Variants in DACT1 observed in about 807,000 individuals in gnomAD.
DACT1 encodes the protein dapper homolog 1.
In DACT1, 19 loss-of-function variants were observed where a neutral mutation model predicts 35.3. The ratio of observed to expected loss-of-function variants is 0.54; its 90% CI spans 0.38 to 0.79. The LOEUF is 0.79. Among genes scored for constraint, DACT1 ranks in the 30% least tolerant of loss-of-function variants. The pLI is 0.00. For missense variants in DACT1, 1,143 were observed against 1,057.5 expected (o/e 1.08, Z -1.12); for synonymous variants, 545 against 466.7 (o/e 1.17, Z -2.16).
upstream of DACT1, among the ~76,000 whole-genome samples, chr14:58,637,832 G>C (rs905650936): frequency 2.9e-4 from 44 of 151,886 alleles, no homozygotes; most frequent in Middle Eastern, 3.4e-3. Flanking sequence ...TCTGGGGGCC[G>C]GGCGGCGCGC....
Position 58,638,021 on chromosome 14 carries a change from G to A in DACT1, c.-182G>A. 2.0e-6 allele frequency: 1 copy of A among 498,978 alleles called. No individual in the cohort carries two copies. The highest frequency in any genetic ancestry group is 2.9e-6 in the Non-Finnish European group (1 of 340,468). The allele number at this position is 498,978 out of a possible 1,614,324, so 30.9% of individuals were successfully genotyped here. On this transcript the variant is annotated 5_prime_UTR_variant, in exon 1 of 4. Coordinates refer to ENST00000395153, the MANE Select transcript of DACT1 (RefSeq NM_001079520.2). The stretch of plus-strand genomic sequence containing the variant: ...GGCGACAGCGGACGGCGCTGCCCGG[G>A]CCGGGACAGCAGCAGCCGGCGGTCG...
intron 3 of DACT1, among the ~76,000 whole-genome samples, chr14:58,642,408 C>T (rs1448486474): frequency 6.6e-6 from 1 of 151,908 alleles, no homozygotes; most frequent in Non-Finnish European, 1.5e-5. Context: ...TGCTTGAACC[C>T]AGGAGGTAGA....
chr14:58,641,232 C>A (rs2047623972), intron 2 of DACT1, among the ~76,000 whole-genome samples: 1 of 148,816 alleles, frequency 6.7e-6, no homozygotes, highest in African/African-American at 2.5e-5. Flanking sequence ...TCTTTTAAAC[C>A]ATTTGGGCTC....
intron 3 of DACT1, among the ~76,000 whole-genome samples, chr14:58,644,927 T>A (rs2047658725): frequency 6.6e-6 from 1 of 152,246 alleles, no homozygotes; most frequent in Non-Finnish European, 1.5e-5. Context: ...TGCATACATG[T>A]GATCCTAATA....
Position 58,645,265 on chromosome 14 carries a change from A to G in DACT1, c.635-104A>G, listed in dbSNP as rs1279332595. On this transcript the variant is annotated intron_variant, in intron 3 of 3. Transcript: ENST00000395153. ...CCTTTAACTGTTTTTCAGATCTCAT[A>G]GGATTGTTGGAATATAAAGAAGGCC... 9 of 1,613,460 alleles carry G rather than the reference A, an allele frequency of 5.6e-6. No individual in the cohort carries two copies. The East Asian group carries it at 2.0e-4, about 36-fold the overall frequency.
Position 58,638,567 on chromosome 14 carries a change from G to GA in DACT1, c.345+20_345+21insA. On this transcript the variant is annotated intron_variant, in intron 1 of 3. Transcript: ENST00000395153. ...CAATTGGTAGGTCGTGCCCGAAGGT[G>GA]GAGCACGGCTGTTCCTGCCCAGGGG... is the stretch of plus-strand genomic sequence containing the variant. The GA allele has an allele frequency of 7.5e-7, 1 of 1,326,240 alleles. No individual in the cohort carries two copies. The highest frequency in any genetic ancestry group is 9.7e-7 in the Non-Finnish European group (1 of 1,031,300). The allele number at this position is 1,326,240 out of a possible 1,614,324, so 82.2% of individuals were successfully genotyped here.
chr14:58,640,791 A>C lies in DACT1; in HGVS notation c.401A>C (p.Lys134Thr). 6.2e-7 allele frequency: 1 copy of C among 1,614,188 alleles called. No homozygotes were observed. Reference sequence around the variant, plus strand: ...TTGAATCAGTTGCAAGAGCTTGACAAGCAGATAAGTGACCTGAGACTGGAT... The same window carrying C: ...TTGAATCAGTTGCAAGAGCTTGACACGCAGATAAGTGACCTGAGACTGGAT... ...GLLNQLQELDKQISDLRLDVE... is the reference protein window; with the variant it reads ...GLLNQLQELDTQISDLRLDVE... Residue 134 changes from lysine (K) to threonine (T), a missense_variant, in exon 2 of 4, where the codon AAG (lysine) becomes ACG (threonine). Around this residue, in one of 3 missense-constraint regions of DACT1, gnomAD observed 1,054 missense variants for 958.8 expected, o/e 1.10. Transcript: ENST00000395153.
chr14:58,636,244 G>A (rs551217613), upstream of DACT1, among the ~76,000 whole-genome samples: 30 of 152,172 alleles, frequency 2.0e-4, no homozygotes, highest in Non-Finnish European at 4.1e-4. Context: ...TTTGGTAAAT[G>A]TCAACTTAAT....
chr14:58,639,894 C>G (rs2047611219), intron 1 of DACT1, among the ~76,000 whole-genome samples: 1 of 152,156 alleles, frequency 6.6e-6, no homozygotes, highest in Middle Eastern at 3.2e-3. Context: ...GCAATTGCAC[C>G]TTTTTGTCTG....
At position 58,647,255 on chromosome 14, in the gene DACT1, T is replaced by C. The variant is rs1208687087; in HGVS notation, c.*121T>C. ...TAATGGAATGCTTTTTAAAAAAATA[T>C]AAAACCAAGGTAAATTATTGTTTCA... On this transcript the variant is annotated 3_prime_UTR_variant, in exon 4 of 4. Coordinates refer to ENST00000395153, the MANE Select transcript of DACT1 (RefSeq NM_001079520.2). 4.2e-6 allele frequency: 5 copies of C among 1,189,326 alleles called. No homozygotes were observed. In the East Asian group the frequency reaches 7.3e-5, roughly 17 times the overall value. 73.7% of individuals were successfully genotyped at this position (1,189,326 alleles called of 1,614,324 possible). A position where few individuals can be genotyped will look rare whatever the true frequency, so the allele number is the denominator to read the frequency against.
chr14:58,640,213 A>G (rs1406550922), intron 1 of DACT1, among the ~76,000 whole-genome samples: 1 of 152,204 alleles, frequency 6.6e-6, no homozygotes, highest in East Asian at 1.9e-4. Flanking sequence ...GGCACTGGCT[A>G]TTAGTATTAG....
intron 3 of DACT1, among the ~76,000 whole-genome samples, chr14:58,644,727 G>C (rs2140217323): frequency 6.6e-6 from 1 of 152,282 alleles, no homozygotes; most frequent in East Asian, 1.9e-4. Flanking sequence ...TTATCCTAAA[G>C]AAAGCCAGGA....
chr14:58,645,149 T>A, intron 3 of DACT1: 1 of 843,658 alleles, frequency 1.2e-6, no homozygotes, highest in Non-Finnish European at 1.9e-6. Context: ...CACTTTTTAA[T>A]CCTTGGCAAT....
In DACT1 at chr14:58,638,094, C is replaced by T. The variant is rs1470517506; in HGVS notation, c.-109C>T. ...AGCCACCGTCCCCGCCAGCGCCGCG[C>T]CCCGCCACAGGGCGGCATGAGCCCA... On this transcript the variant is annotated 5_prime_UTR_variant, in exon 1 of 4. Transcript: ENST00000395153. The T allele has an allele frequency of 8.8e-7, 1 of 1,135,158 alleles. No homozygotes were observed. Among genetic ancestry groups the T allele is most frequent in the Non-Finnish European group, 1.1e-6 (1 of 909,424 alleles). 70.3% of individuals were successfully genotyped at this position (1,135,158 alleles called of 1,614,324 possible).
chr14:58,637,992 G>C lies in DACT1; in HGVS notation c.-211G>C, dbSNP rs1490833661. On this transcript the variant is annotated 5_prime_UTR_variant, in exon 1 of 4. Coordinates refer to ENST00000395153, the MANE Select transcript of DACT1 (RefSeq NM_001079520.2). ...CAGCTGCCGGGCCGCGGCGAGGGAC[G>C]CGCGGCGACAGCGGACGGCGCTGCC... The C allele has an allele frequency of 3.1e-6, 1 of 326,746 alleles. No individual in the cohort carries two copies. Among genetic ancestry groups the C allele is most frequent in the Non-Finnish European group, 5.1e-6 (1 of 194,822 alleles). The allele number at this position is 326,746 out of a possible 1,614,324, so 20.2% of individuals were successfully genotyped here.
chr14:58,637,282 C>A (rs536942257), upstream of DACT1, among the ~76,000 whole-genome samples: 4 of 152,398 alleles, frequency 2.6e-5, no homozygotes, highest in South Asian at 6.2e-4. Context: ...ATTGATGCAA[C>A]CTCTCGCTAT....
chr14:58,647,178 T>C lies in DACT1; in HGVS notation c.*44T>C, dbSNP rs1193770645. On this transcript the variant is annotated 3_prime_UTR_variant, in exon 4 of 4. Coordinates refer to ENST00000395153, the MANE Select transcript of DACT1 (RefSeq NM_001079520.2). ...AAAGTTTGTGTGTTTTTTTTTCTTC[T>C]CCCTAGTTGCCAAAATTAAAAAGGT... 1 of 1,578,078 alleles carries C rather than the reference T, an allele frequency of 6.3e-7. No individual in the cohort carries two copies. Among genetic ancestry groups the C allele is most frequent in the Non-Finnish European group, 8.6e-7 (1 of 1,168,672 alleles).
In DACT1 at chr14:58,645,971, A is replaced by G. The variant is rs1425894747; in HGVS notation, c.1237A>G (p.Lys413Glu). 1.2e-6 allele frequency: 2 copies of G among 1,613,716 alleles called. No individual in the cohort carries two copies. The highest frequency in any genetic ancestry group is 1.7e-6 in the Non-Finnish European group (2 of 1,180,032). ...PSGAASDLQS[K>E]HLPKTAKPAS... ...AGGCGCTGCCTCCGACCTTCAGAGT[A>G]AGCACCTGCCAAAAACGGCCAAGCC... is the stretch of plus-strand genomic sequence containing the variant. The change falls in exon 4 of 4, where the codon AAG becomes GAG. Residue 413 changes from lysine to glutamate, a missense_variant. Physicochemically the swap from Lys to Glu is moderately conservative, Grantham distance 56. Around this residue, in one of 3 missense-constraint regions of DACT1, gnomAD observed 1,054 missense variants for 958.8 expected, o/e 1.10. Coordinates refer to ENST00000395153, the MANE Select transcript of DACT1 (RefSeq NM_001079520.2).
At chr14:58,641,132 C>T (rs1334964493) in intron 2 of DACT1, among the ~76,000 whole-genome samples, 1 of 152,096 alleles carries the variant, frequency 6.6e-6, no homozygotes, top group Non-Finnish European at 1.5e-5. Context: ...AAGAGGTGCC[C>T]TCCTTTGAAA....
Sources: allele counts gnomAD v4.1 joint callset (sites outside exome capture counted in the v4.1 genomes callset), GRCh38; gene constraint gnomAD v4.1.1; regional missense constraint gnomAD v4.1.1; transcripts MANE v1.5; gene names NCBI Gene and HGNC (gene_info 2026-07-23, HGNC 2026-07-21).